The following ST8SIA2 variants were observed in gnomAD, a reference collection of about 807,000 sequenced individuals.
The protein encoded by ST8SIA2 is alpha-2,8-sialyltransferase 8B.
A neutral mutation model predicts 37.6 loss-of-function variants in ST8SIA2; 22 were observed. That is an observed-to-expected ratio of 0.58 (90% CI 0.42 to 0.83). The LOEUF (loss-of-function observed/expected upper bound fraction) is 0.83. ST8SIA2 is among the 40% of genes least tolerant of loss of function. ST8SIA2 has a pLI of 0.00. For missense variants in ST8SIA2, 382 were observed against 484.7 expected (o/e 0.79, Z 1.99); for synonymous variants, 205 against 201.2 (o/e 1.02, Z -0.16).
rs895169154 is a variant in ST8SIA2, at chr15:92,465,868, C to G, written c.*1483C>G. On this transcript the variant is annotated 3_prime_UTR_variant, in exon 6 of 6. Transcript: ENST00000268164. ...CAACTTAGGGGCTGGAATCACAGGT[C>G]TCACATAGAGAAATAGCCAGCTTGA... 3 of 152,208 alleles carry G rather than the reference C, an allele frequency of 2.0e-5. No individual in the cohort carries two copies. Among genetic ancestry groups the G allele is most frequent in the Non-Finnish European group, 4.4e-5 (3 of 68,042 alleles). 9.4% of individuals were successfully genotyped at this position (152,208 alleles called of 1,614,324 possible). A position where few individuals can be genotyped will look rare whatever the true frequency, so the allele number is the denominator to read the frequency against.
chr15:92,415,563 C>A (rs978062151), intron 1 of ST8SIA2, among the ~76,000 whole-genome samples: 4 of 151,466 alleles, frequency 2.6e-5, no homozygotes, highest in Non-Finnish European at 5.9e-5. Context: ...GCATATACAC[C>A]CCCCACCCCG....
intron 1 of ST8SIA2, among the ~76,000 whole-genome samples, chr15:92,406,269 C>A (rs2049507424): frequency 6.6e-6 from 1 of 152,208 alleles, no homozygotes; most frequent in Non-Finnish European, 1.5e-5. Context: ...CTGGACACCT[C>A]CTGGAGTTTC....
intron 3 of ST8SIA2, among the ~76,000 whole-genome samples, chr15:92,437,906 C>T (rs1317509605): frequency 6.6e-6 from 1 of 152,154 alleles, no homozygotes; most frequent in Non-Finnish European, 1.5e-5. Context: ...GCCCTAAATC[C>T]CCCTAAGACA....
chr15:92,405,798 G>A (rs2049504369), intron 1 of ST8SIA2, among the ~76,000 whole-genome samples: 1 of 152,192 alleles, frequency 6.6e-6, no homozygotes. Flanking sequence ...TTAGGATTGT[G>A]GAAAGTGCAA....
intron 3 of ST8SIA2, among the ~76,000 whole-genome samples, chr15:92,436,217 G>A (rs11632521): frequency 0.44 from 66,779 of 151,882 alleles, 15,972 homozygotes; most frequent in East Asian, 0.68. Context: ...TAGGAGGTGG[G>A]CATATATTTT....
chr15:92,460,978 G>A, intron 5 of ST8SIA2, among the ~76,000 whole-genome samples: 1 of 152,166 alleles, frequency 6.6e-6, no homozygotes, highest in East Asian at 1.9e-4. Context: ...CCAGATCTCA[G>A]CTGGGTGATA....
chr15:92,399,506 G>A (rs148433882), intron 1 of ST8SIA2, among the ~76,000 whole-genome samples: 108 of 152,308 alleles, frequency 7.1e-4, no homozygotes, highest in Middle Eastern at 3.4e-3. Context: ...ATCGTTTAGT[G>A]GACGAGTGCA....
At position 92,396,636 on chromosome 15, in the gene ST8SIA2, G is replaced by GGC. The variant is rs1596225721; in HGVS notation, c.98+2475_98+2476dup. ...AGCCTCCCGAGTAGCTGGGATTACA[G>GGC]GCACCTGCCACCACACCAGGCTAAT... is the stretch of plus-strand genomic sequence containing the variant. On this transcript the variant is annotated intron_variant, in intron 1 of 5. Transcript: ENST00000268164. Among the ~76,000 whole-genome samples, 3 of 152,206 alleles carry GGC rather than the reference G, an allele frequency of 2.0e-5. No individual in the cohort carries two copies. The East Asian group carries it at 5.8e-4, about 29-fold the overall frequency.
At chr15:92,406,542 C>G (rs1009181351) in intron 1 of ST8SIA2, among the ~76,000 whole-genome samples, 1 of 152,244 alleles carries the variant, frequency 6.6e-6, no homozygotes, top group Non-Finnish European at 1.5e-5. Context: ...AGTGTATGCA[C>G]ACTTTGCTGG....
intron 4 of ST8SIA2, among the ~76,000 whole-genome samples, chr15:92,444,424 G>A (rs1381806850): frequency 1.3e-5 from 2 of 152,200 alleles, no homozygotes; most frequent in African/African-American, 2.4e-5. Context: ...GTCTAGCAAA[G>A]TTCTAGGTAC....
At chr15:92,433,946 C>CAT (rs1465187247) in intron 2 of ST8SIA2, among the ~76,000 whole-genome samples, 1 of 128,464 alleles carries the variant, frequency 7.8e-6, no homozygotes, top group Non-Finnish European at 1.8e-5. Flanking sequence ...AGAAATATTA[C>CAT]TCTTCTGACA....
rs117362099 is a variant in ST8SIA2, at chr15:92,460,717, G to A, written c.843-3383G>A. ...ATGACTAAGCAAAGGGCCGTGTGGG[G>A]TAGTCCCAGGACAATCACATTAGAC... On this transcript the variant is annotated intron_variant, in intron 5 of 5. Transcript: ENST00000268164. 5.7e-3 allele frequency among the ~76,000 whole-genome samples: 870 copies of A among 152,316 alleles called. 6 individuals are homozygous for A. Among genetic ancestry groups the A allele is most frequent in the South Asian group, 0.011 (54 of 4,826 alleles).
intron 1 of ST8SIA2, among the ~76,000 whole-genome samples, chr15:92,417,225 G>A (rs2049593491): frequency 6.6e-6 from 1 of 152,172 alleles, no homozygotes; most frequent in Admixed American, 6.5e-5. Flanking sequence ...TCTGCCGGTG[G>A]TCCCATCCAT....
At chr15:92,448,958 CT>C (rs2049862619) in intron 5 of ST8SIA2, among the ~76,000 whole-genome samples, 1 of 151,852 alleles carries the variant, frequency 6.6e-6, no homozygotes, top group Non-Finnish European at 1.5e-5. Context: ...TGTGAATGAA[CT>C]TTTATTGTGA....
At chr15:92,419,784 G>T (rs2049618527) in intron 1 of ST8SIA2, among the ~76,000 whole-genome samples, 1 of 152,202 alleles carries the variant, frequency 6.6e-6, no homozygotes, top group South Asian at 2.1e-4. Flanking sequence ...ATTGCCCTGG[G>T]TTTTAATTGC....
At chr15:92,423,639 C>G (rs907972018) in intron 1 of ST8SIA2, among the ~76,000 whole-genome samples, 1 of 152,168 alleles carries the variant, frequency 6.6e-6, no homozygotes, top group Admixed American at 6.5e-5. Flanking sequence ...TGTGTCCTCA[C>G]GTGACAGAAT....
chr15:92,417,445 G>A (rs996777160), intron 1 of ST8SIA2: 2 of 152,278 alleles, frequency 1.3e-5, no homozygotes, highest in African/African-American at 4.8e-5. Context: ...CAGGGATGTT[G>A]TGTCTGAATG....
chr15:92,396,817 C>A (rs1005661312), intron 1 of ST8SIA2, among the ~76,000 whole-genome samples: 16 of 152,196 alleles, frequency 1.1e-4, no homozygotes, highest in African/African-American at 3.4e-4. Context: ...TAAATTCATT[C>A]TTGGAATTAC....
In ST8SIA2 at chr15:92,464,240, A is replaced by G. The variant is rs200334049; in HGVS notation, c.983A>G (p.Lys328Arg). 46 of 1,613,916 alleles carry G rather than the reference A, an allele frequency of 2.9e-5. No individual in the cohort carries two copies. The highest frequency in any genetic ancestry group is 8.5e-7 in the Non-Finnish European group (1 of 1,180,018). The change falls in exon 6 of 6, where the codon AAG (lysine) becomes AGG (arginine). Residue 328 changes from lysine (K) to arginine (R), a missense_variant. Lys to Arg is a conservative substitution (Grantham distance 26, BLOSUM62 2). Transcript: ENST00000268164. Reference sequence around the variant, plus strand: ...CTGGATCAGAACCAGAACCCAGTCAAGTACCACTATTATGACAGCCTCAAG... The same window carrying G: ...CTGGATCAGAACCAGAACCCAGTCAGGTACCACTATTATGACAGCCTCAAG... Reference protein sequence around the residue: ...FPLDQNQNPVKYHYYDSLKYG... With the variant: ...FPLDQNQNPVRYHYYDSLKYG...
Sources: gnomAD v4.1 joint callset for allele counts (sites outside exome capture counted in the v4.1 genomes callset) on GRCh38, gnomAD v4.1.1 for gene constraint, MANE v1.5 for transcripts, NCBI Gene and HGNC (gene_info 2026-07-23, HGNC 2026-07-21) for gene names.